The following LMBRD2 variants were observed in gnomAD, a reference collection of about 807,000 sequenced individuals.
LMBRD2 encodes LMBR1 domain containing 2, also known as G protein-coupled receptor-associated protein LMBRD2.
In LMBRD2, 55 loss-of-function variants were observed where a neutral mutation model predicts 94.4. The ratio of observed to expected loss-of-function variants is 0.58; its 90% CI spans 0.47 to 0.73. LMBRD2 has a LOEUF of 0.73. Among genes scored for constraint, LMBRD2 ranks in the 30% least tolerant of loss-of-function variants. The pLI is 0.00. For missense variants in LMBRD2, 640 were observed against 831.9 expected, an observed-to-expected ratio of 0.77 and a Z score of 2.84; for synonymous variants, 246 against 272.4, an observed-to-expected ratio of 0.90 and a Z score of 0.95.
chr5:36,143,385 C>G lies in LMBRD2; in HGVS notation c.-36G>C, dbSNP rs1187899752. Reference sequence around the variant, plus strand: ...TTCACTCTGACTAACCAAAGTTATTCATGTACAGGTCTGGACCATATCTAT... The same window carrying G: ...TTCACTCTGACTAACCAAAGTTATTGATGTACAGGTCTGGACCATATCTAT... On this transcript the variant is annotated 5_prime_UTR_variant, in exon 2 of 18. It removes an upstream start codon present in the reference 5' UTR. Coordinates refer to ENST00000296603, the MANE Select transcript of LMBRD2 (RefSeq NM_001007527.2). 1 of 1,545,902 alleles carries G rather than the reference C, an allele frequency of 6.5e-7. No individual in the cohort carries two copies. The highest frequency in any genetic ancestry group is 8.9e-7 in the Non-Finnish European group (1 of 1,123,306).
intron 13 of LMBRD2, among the ~76,000 whole-genome samples, chr5:36,112,597 T>A (rs536637590): frequency 3.9e-5 from 6 of 152,196 alleles, no homozygotes; most frequent in Non-Finnish European, 7.4e-5. Context: ...CAACCTTTTT[T>A]TTCCCTTAAA....
chr5:36,136,838 A>G (rs1248469745), intron 5 of LMBRD2, among the ~76,000 whole-genome samples: 1 of 152,230 alleles, frequency 6.6e-6, no homozygotes, highest in East Asian at 1.9e-4. Context: ...AGACCTTCAC[A>G]TATATTACAA....
intron 13 of LMBRD2, among the ~76,000 whole-genome samples, chr5:36,112,399 G>C (rs923778434): frequency 3.9e-5 from 6 of 152,108 alleles, no homozygotes; most frequent in African/African-American, 1.4e-4. Flanking sequence ...TAGGCAGGTA[G>C]GTCTGAATAT....
intron 3 of LMBRD2, 113 bp downstream of exon 3, chr5:36,142,389 G>A (rs1262766516): frequency 3.5e-6 from 2 of 571,802 alleles, no homozygotes; most frequent in African/African-American, 1.9e-5. Context: ...GGGAGAATTA[G>A]TAGAGAATGA....
intron 10 of LMBRD2, 53 bp from the exon 11 acceptor site, chr5:36,116,646 C>G (rs878916831): frequency 6.5e-7 from 1 of 1,546,392 alleles, no homozygotes; most frequent in Non-Finnish European, 8.8e-7. Context: ...GACTTTAGCA[C>G]TTAACAATTA....
chr5:36,142,684 A>G (rs973943995), intron 2 of LMBRD2, 85 bp from the exon 3 acceptor site: 2 of 742,974 alleles, frequency 2.7e-6, no homozygotes, highest in African/African-American at 3.6e-5. Context: ...AAATCTATCT[A>G]TCTAAACTTA....
intron 6 of LMBRD2, among the ~76,000 whole-genome samples, chr5:36,131,048 G>T (rs532613066): frequency 7.0e-4 from 106 of 152,082 alleles, no homozygotes; most frequent in Non-Finnish European, 1.2e-3. Context: ...GAAAACTGCA[G>T]GCCAATATCC....
At chr5:36,146,819 G>A (rs192226950) in intron 1 of LMBRD2, among the ~76,000 whole-genome samples, 195 of 152,270 alleles carry the variant, frequency 1.3e-3, no homozygotes, top group African/African-American at 4.5e-3. Context: ...TATATTTAAA[G>A]TGCACAACAG....
At chr5:36,140,675 TTTG>T (rs1315046602) in intron 4 of LMBRD2, among the ~76,000 whole-genome samples, 2 of 152,084 alleles carry the variant, frequency 1.3e-5, no homozygotes, top group East Asian at 1.9e-4. Context: ...TAAAGATGAT[TTTG>T]TTGTTGTTGT....
At position 36,151,258 on chromosome 5, in the gene LMBRD2, T is replaced by C. The variant is rs1744701714; in HGVS notation, c.-58+298A>G. ...CCCCTGCGTGCACGGGTAAAGCTCG[T>C]TGCAAAATACAGTCCTTTCATTTAT... On this transcript the variant is annotated intron_variant, in intron 1 of 17. Coordinates refer to ENST00000296603, the MANE Select transcript of LMBRD2 (RefSeq NM_001007527.2). This position sits in a 1 kb window ranked among gnomAD's most constrained non-coding sequence, Gnocchi z 4.7. 6.6e-6 allele frequency among the ~76,000 whole-genome samples: 1 copy of C among 152,230 alleles called. No individual in the cohort carries two copies. Among genetic ancestry groups the C allele is most frequent in the Non-Finnish European group, 1.5e-5 (1 of 68,042 alleles).
intron 16 of LMBRD2, among the ~76,000 whole-genome samples, chr5:36,106,508 C>CTTT (rs201602814): frequency 1.1e-4 from 15 of 132,860 alleles, no homozygotes; most frequent in South Asian, 2.3e-4. Flanking sequence ...TTTTTTCTTT[C>CTTT]GTTTTTTTTT....
At chr5:36,139,132 G>A (rs1318531470) in intron 4 of LMBRD2, among the ~76,000 whole-genome samples, 1 of 152,228 alleles carries the variant, frequency 6.6e-6, no homozygotes, top group African/African-American at 2.4e-5. Context: ...GACCCAGAAA[G>A]CCCCCATACC....
intron 6 of LMBRD2, among the ~76,000 whole-genome samples, chr5:36,127,989 T>C (rs973857449): frequency 6.6e-6 from 1 of 152,120 alleles, no homozygotes; most frequent in African/African-American, 2.4e-5. Flanking sequence ...CTCAGTGCAG[T>C]CCCAGTGATG....
chr5:36,111,110 G>C, intron 14 of LMBRD2, 45 bp downstream of exon 14: 1 of 1,103,696 alleles, frequency 9.1e-7, no homozygotes. Flanking sequence ...TTGAGTCTTA[G>C]CACTTAGTAT....
At chr5:36,104,350 G>C (rs1046329223) in intron 17 of LMBRD2, among the ~76,000 whole-genome samples, 1 of 151,908 alleles carries the variant, frequency 6.6e-6, no homozygotes, top group African/African-American at 2.4e-5. Flanking sequence ...TAAAAAGAAG[G>C]GGGCAGGGGA....
chr5:36,147,963 C>A, intron 1 of LMBRD2: 1 of 303,458 alleles, frequency 3.3e-6, no homozygotes, highest in Non-Finnish European at 6.9e-6. Flanking sequence ...TCTGATGAAT[C>A]ATTAGGTTCC....
rs1215784168 is a variant in LMBRD2, at chr5:36,103,010, CTATT to C, written c.*1032_*1035del. On this transcript the variant is annotated 3_prime_UTR_variant, in exon 18 of 18. Transcript: ENST00000296603. ...CTTAAACACAAAGGTTAAAAACAGT[CTATT>C]TAGTAAGAATGTTTAACCAACAAGT... 6.6e-6 allele frequency: 1 copy of C among 151,838 alleles called. No homozygotes were observed. The highest frequency in any genetic ancestry group is 2.4e-5 in the African/African-American group (1 of 41,400). The allele number at this position is 151,838 out of a possible 1,614,324, so 9.4% of individuals were successfully genotyped here. A position where few individuals can be genotyped will look rare whatever the true frequency, so the allele number is the denominator to read the frequency against.
At chr5:36,148,205 C>A (rs1216148090) in intron 1 of LMBRD2, among the ~76,000 whole-genome samples, 1 of 148,860 alleles carries the variant, frequency 6.7e-6, no homozygotes, top group African/African-American at 2.5e-5. Context: ...CAGTTTAGGA[C>A]ACAGACTACT....
chr5:36,124,283 T>C lies in LMBRD2; in HGVS notation c.748-18A>G. 2 of 1,382,776 alleles carry C rather than the reference T, an allele frequency of 1.4e-6. No homozygotes were observed. Among genetic ancestry groups the C allele is most frequent in the Non-Finnish European group, 2.0e-6 (2 of 977,562 alleles). 85.7% of individuals were successfully genotyped at this position (1,382,776 alleles called of 1,614,324 possible). The stretch of plus-strand genomic sequence containing the variant: ...CGAACCTCCTATAAAAACAGTAAAA[T>C]AAATAAAAATATTTCCATTTCTACA... On this transcript the variant is annotated intron_variant, in intron 6 of 17. Transcript: ENST00000296603.
Sources: gnomAD v4.1 joint callset for allele counts (sites outside exome capture counted in the v4.1 genomes callset) on GRCh38, gnomAD v4.1.1 for gene constraint, Gnocchi (gnomAD v3.1) non-coding constraint, MANE v1.5 for transcripts, NCBI Gene and HGNC (gene_info 2026-07-23, HGNC 2026-07-21) for gene names.